Variants in CASP5 observed in about 807,000 individuals in gnomAD.
CASP5 encodes caspase-5.
In CASP5, 42 loss-of-function variants were observed where a neutral mutation model predicts 45.2. The observed-to-expected ratio is 0.93, with a 90% CI of 0.73 to 1.20. The LOEUF (loss-of-function observed/expected upper bound fraction) is 1.20. CASP5 is among the 50% of genes most tolerant of loss of function. The pLI is 0.00. For synonymous variants in CASP5, 209 were observed against 186.2 expected (o/e 1.12, Z -1.00); for missense variants, 512 against 532.2 (o/e 0.96, Z 0.37).
chr11:105,000,642 T>C (rs1861680826), intron 5 of CASP5, 147 bp from the exon 6 acceptor site: 1 of 728,948 alleles, frequency 1.4e-6, no homozygotes, highest in Non-Finnish European at 2.2e-6. Context: ...ACAGCAGTTT[T>C]ATGTTTTTTT....
chr11:104,998,226 T>C (rs1369199970), intron 7 of CASP5, among the ~76,000 whole-genome samples: 1 of 152,202 alleles, frequency 6.6e-6, no homozygotes, highest in Non-Finnish European at 1.5e-5. Context: ...ATACATTAAA[T>C]ATGTACAGTT....
chr11:105,004,340 T>A (rs1238074740), intron 3 of CASP5, among the ~76,000 whole-genome samples: 1 of 152,192 alleles, frequency 6.6e-6, no homozygotes, highest in Non-Finnish European at 1.5e-5. Context: ...TTGGATAAGT[T>A]TGCTTCTGAG....
rs1188875513 is a variant in CASP5 at position 105,006,999 on chromosome 11, G to A, written c.433+84C>T. 4.5e-6 allele frequency: 5 copies of A among 1,118,604 alleles called. No homozygotes were observed. In the East Asian group the frequency reaches 1.2e-4, roughly 26 times the overall value. 69.3% of individuals were successfully genotyped at this position (1,118,604 alleles called of 1,614,324 possible). Reference sequence around the variant, plus strand: ...GAGTTTAGAAATGAAACTGTAGGTAGATCACAGATAACACTGCATGGGCCT... The same window carrying A: ...GAGTTTAGAAATGAAACTGTAGGTAAATCACAGATAACACTGCATGGGCCT... On this transcript the variant is annotated intron_variant, in intron 3 of 9. Coordinates refer to ENST00000260315, the MANE Select transcript of CASP5 (RefSeq NM_004347.5).
At chr11:105,001,910 A>ATACACG (rs1861750056) in intron 5 of CASP5, 118 bp downstream of exon 5, 1 of 883,488 alleles carries the variant, frequency 1.1e-6, no homozygotes, top group South Asian at 1.7e-5. Context: ...ACACACACAC[A>ATACACG]CACACGCACA....
intron 2 of CASP5, among the ~76,000 whole-genome samples, chr11:105,007,661 G>A (rs1862077451): frequency 6.6e-6 from 1 of 152,032 alleles, no homozygotes; most frequent in African/African-American, 2.4e-5. Context: ...TCATGATGAT[G>A]ATAATTTACC....
At chr11:105,002,260 T>G (rs1861777081) in intron 4 of CASP5, 59 bp from the exon 5 acceptor site, 1 of 1,532,076 alleles carries the variant, frequency 6.5e-7, no homozygotes, top group African/African-American at 1.4e-5. Flanking sequence ...AACCCCCATA[T>G]GCCTCACAAT....
intron 1 of CASP5, among the ~76,000 whole-genome samples, chr11:105,010,956 G>A (rs1862320023): frequency 6.6e-6 from 1 of 151,744 alleles, no homozygotes; most frequent in African/African-American, 2.4e-5. Context: ...AGAATCCAGA[G>A]CCCCAACTCT....
intron 3 of CASP5, among the ~76,000 whole-genome samples, chr11:105,004,049 C>T (rs1316905317): frequency 6.6e-6 from 1 of 151,962 alleles, no homozygotes; most frequent in African/African-American, 2.4e-5. Context: ...AATATTGAAT[C>T]CTGTACCATC....
intron 4 of CASP5, 103 bp from the exon 5 acceptor site, chr11:105,002,304 T>G: frequency 1.2e-6 from 1 of 840,224 alleles, no homozygotes; most frequent in Non-Finnish European, 1.9e-6. Context: ...AGCTGCCACC[T>G]TCCCTAACCT....
intron 1 of CASP5, among the ~76,000 whole-genome samples, chr11:105,009,437 G>GT (rs1033192933): frequency 1.3e-5 from 2 of 151,430 alleles, no homozygotes; most frequent in Non-Finnish European, 3.0e-5. Context: ...TTGAATTTGT[G>GT]TTTTTTAACA....
rs199695891 is a variant in CASP5, at chr11:105,009,720, CATATATATAT to C, written c.8-750_8-741del. Among the ~76,000 whole-genome samples the C allele has an allele frequency of 3.1e-3, 198 of 64,068 alleles. 3 individuals carry two copies. Among genetic ancestry groups the C allele is most frequent in the Admixed American group, 8.0e-3 (38 of 4,742 alleles). The allele number at this position is 64,068 out of a possible 152,430, so 42.0% of individuals were successfully genotyped here. The stretch of plus-strand genomic sequence containing the variant: ...TTACCAGGAGATATATATATACACA[CATATATATAT>C]ATATATATATATATATATATATATA... On this transcript the variant is annotated intron_variant, in intron 1 of 9. Transcript: ENST00000260315.
chr11:105,005,527 T>C (rs780973259), intron 3 of CASP5, among the ~76,000 whole-genome samples: 12 of 152,134 alleles, frequency 7.9e-5, no homozygotes, highest in Non-Finnish European at 1.5e-4. Flanking sequence ...CCTCTTCTAA[T>C]AGCCCAGCCC....
At chr11:105,023,003 A>G in intron 1 of CASP5, 127 bp downstream of exon 1, 1 of 845,138 alleles carries the variant, frequency 1.2e-6, no homozygotes. Context: ...CCAATAAGAG[A>G]AAGATTCAGC....
intron 9 of CASP5, 98 bp downstream of exon 9, chr11:104,995,642 C>G (rs1439703969): frequency 5.5e-6 from 4 of 720,824 alleles, no homozygotes; most frequent in African/African-American, 5.3e-5. Flanking sequence ...AGAACACTAA[C>G]TTGACCATAT....
intron 1 of CASP5, among the ~76,000 whole-genome samples, chr11:105,016,239 A>G (rs144509605): frequency 1.4e-3 from 208 of 152,292 alleles, no homozygotes; most frequent in African/African-American, 4.3e-3. Context: ...TCTGTTAAAG[A>G]TTGAGCTATT....
intron 8 of CASP5, 70 bp from the exon 9 acceptor site, chr11:104,995,912 C>A: frequency 1.1e-6 from 1 of 951,402 alleles, no homozygotes; most frequent in Admixed American, 1.9e-5. Context: ...CACCATGAAC[C>A]AGGAAATGCC....
intron 2 of CASP5, among the ~76,000 whole-genome samples, chr11:105,008,112 C>G (rs952298968): frequency 8.6e-5 from 13 of 151,944 alleles, no homozygotes; most frequent in Non-Finnish European, 1.6e-4. Context: ...CTAATTACTG[C>G]CAGTCATTGG....
At chr11:104,994,772 T>C (rs1187064440) in intron 9 of CASP5, among the ~76,000 whole-genome samples, 1 of 152,226 alleles carries the variant, frequency 6.6e-6, no homozygotes, top group East Asian at 1.9e-4. Context: ...ACTTGTATTC[T>C]GTGCTGGAAC....
Position 104,999,008 on chromosome 11 carries a change from C to G in CASP5, c.973G>C (p.Val325Leu), listed in dbSNP as rs1861601039. ...CRGEKHGELW[V>L]RDSPASLALI... The stretch of plus-strand genomic sequence containing the variant: ...GCCAAGGATGCTGGAGAGTCTCTGA[C>G]CCAGAGTTCCCCATGTTTTTCTGTA... The change falls in exon 7 of 10, where the codon GTC (valine) becomes CTC (leucine). Residue 325 changes from valine to leucine, a missense_variant. By Grantham distance (32) the Val-to-Leu change is conservative. Transcript: ENST00000260315. 3.1e-6 allele frequency: 5 copies of G among 1,602,186 alleles called. No homozygotes were observed. The highest frequency in any genetic ancestry group is 4.3e-6 in the Non-Finnish European group (5 of 1,176,404).
Sources: gnomAD v4.1 joint callset for allele counts (sites outside exome capture counted in the v4.1 genomes callset) on GRCh38, gnomAD v4.1.1 for gene constraint, MANE v1.5 for transcripts, NCBI Gene and HGNC (gene_info 2026-07-23, HGNC 2026-07-21) for gene names.